The following ROBO2 variants were observed in gnomAD, a reference collection of about 807,000 sequenced individuals.
The protein encoded by ROBO2 is roundabout guidance receptor 2.
A neutral mutation model predicts 160.8 loss-of-function variants in ROBO2; 53 were observed. The ratio of observed to expected loss-of-function variants is 0.33; its 90% CI spans 0.26 to 0.41. The LOEUF is 0.41. Ranked by LOEUF, ROBO2 falls within the 10% of genes least tolerant of loss-of-function variation. The pLI is 1.00. For synonymous variants in ROBO2, 664 were observed against 611.7 expected, an observed-to-expected ratio of 1.09 and a Z score of -1.26; for missense variants, 1,577 against 1,722.4, an observed-to-expected ratio of 0.92 and a Z score of 1.49.
intron 2 of ROBO2, among the ~76,000 whole-genome samples, chr3:77,140,020 G>A (rs1255258209): frequency 2.0e-5 from 3 of 152,152 alleles, no homozygotes; most frequent in Non-Finnish European, 4.4e-5. Context: ...AAAGAAGGGT[G>A]GCTGTTTGCC....
At chr3:76,124,465 C>A (rs1373103971) in intron 2 of ROBO2, among the ~76,000 whole-genome samples, 1 of 152,114 alleles carries the variant, frequency 6.6e-6, no homozygotes, top group African/African-American at 2.4e-5. Context: ...AAGCTTATCT[C>A]ACCCATTAAT....
At chr3:76,949,719 C>G (rs889523388) in intron 2 of ROBO2, among the ~76,000 whole-genome samples, 55 of 152,280 alleles carry the variant, frequency 3.6e-4, no homozygotes, top group African/African-American at 1.2e-3. Flanking sequence ...AGATCTGCCC[C>G]TTGCTCCCAA....
intron 13 of ROBO2, among the ~76,000 whole-genome samples, chr3:77,569,103 T>C (rs1408978130): frequency 1.3e-5 from 2 of 152,080 alleles, no homozygotes; most frequent in Non-Finnish European, 2.9e-5. Flanking sequence ...TTATGAATAA[T>C]GCTGCCATGA....
intron 2 of ROBO2, among the ~76,000 whole-genome samples, chr3:77,294,460 T>A (rs1482326894): frequency 7.2e-6 from 1 of 138,148 alleles, no homozygotes; most frequent in Non-Finnish European, 1.5e-5. Flanking sequence ...TAAAGTAAAA[T>A]TGACGGGTAA....
At chr3:77,015,586 T>C (rs1365023851) in intron 2 of ROBO2, among the ~76,000 whole-genome samples, 1 of 152,182 alleles carries the variant, frequency 6.6e-6, no homozygotes, top group Non-Finnish European at 1.5e-5. Context: ...AATCAATGAA[T>C]TTTAGAGTTA....
At chr3:76,273,016 T>G (rs377043940) in intron 2 of ROBO2, among the ~76,000 whole-genome samples, 8 of 91,874 alleles carry the variant, frequency 8.7e-5, no homozygotes, top group East Asian at 5.5e-4. Context: ...AAAAATATAT[T>G]ATATATAATA....
At chr3:76,219,322 A>C (rs1359310495) in intron 2 of ROBO2, among the ~76,000 whole-genome samples, 1 of 152,226 alleles carries the variant, frequency 6.6e-6, no homozygotes, top group Admixed American at 6.5e-5. Flanking sequence ...AAAATTGACA[A>C]ATGGGATCTA....
intron 2 of ROBO2, among the ~76,000 whole-genome samples, chr3:76,427,420 G>A (rs2108985882): frequency 6.6e-6 from 1 of 152,216 alleles, no homozygotes; most frequent in South Asian, 2.1e-4. Flanking sequence ...ACAATGGAGG[G>A]TTCCTGGATG....
At chr3:76,353,188 A>G (rs957821661) in intron 2 of ROBO2, among the ~76,000 whole-genome samples, 4 of 152,010 alleles carry the variant, frequency 2.6e-5, no homozygotes, top group African/African-American at 9.7e-5. Context: ...TGACAGAGGC[A>G]GGTCTGTCCT....
chr3:77,219,818 G>A (rs2085540353), intron 2 of ROBO2, among the ~76,000 whole-genome samples: 2 of 151,418 alleles, frequency 1.3e-5, no homozygotes, highest in African/African-American at 4.9e-5. Flanking sequence ...ACATTGTGTA[G>A]AAAATTTGTA....
intron 5 of ROBO2, among the ~76,000 whole-genome samples, chr3:77,515,061 A>G (rs981159135): frequency 6.6e-6 from 1 of 151,796 alleles, no homozygotes; most frequent in Non-Finnish European, 1.5e-5. Context: ...CCAACTATTT[A>G]CATTCTAGAT....
chr3:76,469,942 TAAAG>T (rs1161189329), intron 2 of ROBO2, among the ~76,000 whole-genome samples: 1 of 152,160 alleles, frequency 6.6e-6, no homozygotes, highest in East Asian at 1.9e-4. Context: ...GATAAATGAA[TAAAG>T]AAAGAAAAAG....
At chr3:77,235,813 G>T (rs1401547240) in intron 2 of ROBO2, among the ~76,000 whole-genome samples, 1 of 152,100 alleles carries the variant, frequency 6.6e-6, no homozygotes, top group African/African-American at 2.4e-5. Flanking sequence ...AAATTGAGAA[G>T]GTATAGAGAT....
At chr3:76,430,238 C>G (rs1016834934) in intron 2 of ROBO2, among the ~76,000 whole-genome samples, 8 of 152,114 alleles carry the variant, frequency 5.3e-5, no homozygotes, top group Admixed American at 4.6e-4. Context: ...CAGGGTAGAT[C>G]TTATAATGCC....
chr3:76,164,784 T>C (rs1477236846), intron 2 of ROBO2, among the ~76,000 whole-genome samples: 2 of 152,150 alleles, frequency 1.3e-5, no homozygotes, highest in Admixed American at 6.6e-5. Context: ...GTCTTTGAAA[T>C]GGTCAGTGAG....
intron 2 of ROBO2, among the ~76,000 whole-genome samples, chr3:77,243,832 T>C (rs1039252405): frequency 3.3e-5 from 5 of 152,192 alleles, no homozygotes; most frequent in African/African-American, 1.2e-4. Flanking sequence ...ATACTATTAA[T>C]CTCAAGGCAA....
intron 2 of ROBO2, among the ~76,000 whole-genome samples, chr3:76,969,907 A>G (rs907288287): frequency 2.0e-5 from 3 of 152,104 alleles, no homozygotes; most frequent in Admixed American, 6.6e-5. Flanking sequence ...GAAAATCGTT[A>G]TATTATTAAT....
At chr3:76,262,726 G>A (rs754746025) in intron 2 of ROBO2, among the ~76,000 whole-genome samples, 2 of 152,032 alleles carry the variant, frequency 1.3e-5, no homozygotes, top group Non-Finnish European at 2.9e-5. Flanking sequence ...CTCTAAAAAC[G>A]TATTACAAAC....
At chr3:76,242,318 A>T (rs1705339600) in intron 2 of ROBO2, among the ~76,000 whole-genome samples, 1 of 152,140 alleles carries the variant, frequency 6.6e-6, no homozygotes, top group South Asian at 2.1e-4. Context: ...GGAGGCATAG[A>T]GCTCTCCTTC....
Sources: allele counts gnomAD v4.1 joint callset (sites outside exome capture counted in the v4.1 genomes callset), GRCh38; gene constraint gnomAD v4.1.1; transcripts MANE v1.5; gene names NCBI Gene and HGNC (gene_info 2026-07-23, HGNC 2026-07-21).